Variants in ANKS1B observed in about 807,000 individuals in gnomAD.
ANKS1B encodes the protein ankyrin repeat and sterile alpha motif domain-containing protein 1B.
A neutral mutation model predicts 148.3 loss-of-function variants in ANKS1B; 36 were observed. The observed-to-expected ratio is 0.24, with a 90% CI of 0.19 to 0.32. ANKS1B has a LOEUF of 0.32. ANKS1B is among the 10% of genes least tolerant of loss of function. ANKS1B has a pLI of 1.00. For missense variants in ANKS1B, 1,157 were observed against 1,542.6 expected, an observed-to-expected ratio of 0.75 and a Z score of 4.19; for synonymous variants, 542 against 560.8, an observed-to-expected ratio of 0.97 and a Z score of 0.47.
intron 14 of ANKS1B, among the ~76,000 whole-genome samples, chr12:99,220,929 A>G (rs2085025680): frequency 6.6e-6 from 1 of 152,250 alleles, no homozygotes; most frequent in African/African-American, 2.4e-5. Context: ...AGAAGAAATT[A>G]TAATAAGATT....
intron 10 of ANKS1B, among the ~76,000 whole-genome samples, chr12:99,460,401 A>C (rs1471846007): frequency 6.6e-6 from 1 of 152,184 alleles, no homozygotes; most frequent in Non-Finnish European, 1.5e-5. Flanking sequence ...CAACAAAAAC[A>C]GAGATAAATA....
chr12:99,438,159 G>A (rs1345878980), intron 11 of ANKS1B, among the ~76,000 whole-genome samples: 1 of 151,566 alleles, frequency 6.6e-6, no homozygotes, highest in African/African-American at 2.4e-5. Context: ...TCTTTCTAAA[G>A]TACATGTGAG....
chr12:99,699,581 A>G (rs1237168774), intron 8 of ANKS1B, among the ~76,000 whole-genome samples: 1 of 152,178 alleles, frequency 6.6e-6, no homozygotes, highest in East Asian at 1.9e-4. Flanking sequence ...GAAAGAACAG[A>G]GTCTTCTTGT....
chr12:99,142,080 G>C (rs543695889), intron 15 of ANKS1B, among the ~76,000 whole-genome samples: 2 of 152,090 alleles, frequency 1.3e-5, no homozygotes, highest in African/African-American at 4.8e-5. Flanking sequence ...TAAGGTGAAA[G>C]TGCAGAGTGA....
rs192663210 is a variant in ANKS1B, at chr12:98,880,017, A to T, written c.2779-47881T>A. On this transcript the variant is annotated intron_variant, in intron 17 of 26. Coordinates refer to ENST00000683438, the MANE Select transcript of ANKS1B (RefSeq NM_001352186.2). ...TTGCACAGTAGGAAAAGTAATGATT[A>T]AAAAAAGTATAAAACACATATTAAT... Among the ~76,000 whole-genome samples, 10 of 152,342 alleles carry T rather than the reference A, an allele frequency of 6.6e-5. No individual in the cohort carries two copies. The East Asian group carries it at 1.3e-3, about 21-fold the overall frequency.
At chr12:99,405,096 A>G (rs1219952910) in intron 11 of ANKS1B, among the ~76,000 whole-genome samples, 1 of 145,966 alleles carries the variant, frequency 6.9e-6, no homozygotes, top group East Asian at 1.9e-4. Context: ...ACTTTCCCAG[A>G]CAAACAAAAG....
intron 8 of ANKS1B, among the ~76,000 whole-genome samples, chr12:99,708,845 A>G (rs1352745523): frequency 6.6e-6 from 1 of 152,118 alleles, no homozygotes; most frequent in African/African-American, 2.4e-5. Context: ...TCCAACCTGG[A>G]TATTTTTGGG....
intron 11 of ANKS1B, among the ~76,000 whole-genome samples, chr12:99,416,425 C>T (rs2094911840): frequency 6.6e-6 from 1 of 152,188 alleles, no homozygotes. Context: ...TAAGAAACTG[C>T]CAAACTGTTT....
At chr12:99,722,962 A>G (rs2058245031) in intron 8 of ANKS1B, among the ~76,000 whole-genome samples, 1 of 152,198 alleles carries the variant, frequency 6.6e-6, no homozygotes, top group African/African-American at 2.4e-5. Flanking sequence ...GGAGGTGATG[A>G]GTGAGTGTGC....
chr12:98,786,462 AAG>A (rs2098795668), intron 22 of ANKS1B, among the ~76,000 whole-genome samples: 1 of 152,208 alleles, frequency 6.6e-6, no homozygotes, highest in African/African-American at 2.4e-5. Context: ...CACCAAGAGA[AAG>A]AAATAACCAT....
chr12:99,774,693 C>A (rs1226048902), intron 7 of ANKS1B, among the ~76,000 whole-genome samples: 1 of 152,020 alleles, frequency 6.6e-6, no homozygotes, highest in Non-Finnish European at 1.5e-5. Flanking sequence ...CTGTTCATTG[C>A]AACATTCTTC....
rs1421344023 is a variant in ANKS1B at position 99,148,283 on chromosome 12, G to A, written c.2526+6006C>T. Reference sequence around the variant, plus strand: ...GGCCTATTCATGTGAGCATTAGTTAGTAATGGGAGTTGTATTATATACTGC... The same window carrying A: ...GGCCTATTCATGTGAGCATTAGTTAATAATGGGAGTTGTATTATATACTGC... On this transcript the variant is annotated intron_variant, in intron 15 of 26. Transcript: ENST00000683438. Among the ~76,000 whole-genome samples the A allele has an allele frequency of 2.6e-5, 4 of 152,154 alleles. No individual in the cohort carries two copies. The East Asian group carries it at 5.8e-4, about 22-fold the overall frequency.
intron 9 of ANKS1B, among the ~76,000 whole-genome samples, chr12:99,594,565 T>C (rs1213623442): frequency 2.6e-5 from 4 of 152,006 alleles, no homozygotes; most frequent in Non-Finnish European, 4.4e-5. Flanking sequence ...TCCTGCAATA[T>C]GTGACATGGA....
Position 99,742,091 on chromosome 12 carries a change from G to A in ANKS1B, c.1128+30831C>T, listed in dbSNP as rs115157025. ...ACATACAGCGGAACAATACACACTG[G>A]AGCCTATTGGAGGGTGGAAGGTGGT... On this transcript the variant is annotated intron_variant, in intron 8 of 26. Transcript: ENST00000683438. Among the ~76,000 whole-genome samples, 847 of 151,904 alleles carry A rather than the reference G, an allele frequency of 5.6e-3. 12 individuals are homozygous for A. Among genetic ancestry groups the A allele is most frequent in the African/African-American group, 0.02 (810 of 41,418 alleles).
chr12:99,069,765 GC>G (rs972943891), intron 16 of ANKS1B, among the ~76,000 whole-genome samples: 27 of 152,244 alleles, frequency 1.8e-4, no homozygotes, highest in African/African-American at 6.3e-4. Context: ...AAAATACAAA[GC>G]AATAGACTTG....
intron 17 of ANKS1B, among the ~76,000 whole-genome samples, chr12:98,919,145 G>C (rs1471954334): frequency 1.3e-5 from 2 of 152,026 alleles, no homozygotes; most frequent in Non-Finnish European, 1.5e-5. Context: ...ACTTGGCTCT[G>C]TTTCTTTTCC....
chr12:99,302,103 T>G (rs1300237244), intron 12 of ANKS1B, among the ~76,000 whole-genome samples: 1 of 152,104 alleles, frequency 6.6e-6, no homozygotes, highest in East Asian at 1.9e-4. Context: ...GGTCACAAAG[T>G]GTTCACAGAT....
intron 22 of ANKS1B, 126 bp downstream of exon 22, chr12:98,798,808 G>T: frequency 1.5e-6 from 1 of 674,022 alleles, no homozygotes; most frequent in Non-Finnish European, 2.4e-6. Flanking sequence ...ACCTTTTTAT[G>T]TAATACCAAT....
intron 9 of ANKS1B, among the ~76,000 whole-genome samples, 186 bp downstream of exon 9, chr12:99,654,881 A>C (rs1157464701): frequency 6.6e-6 from 1 of 152,234 alleles, no homozygotes; most frequent in Admixed American, 6.5e-5. Context: ...ATGTCTTCGC[A>C]TATGTACACA....
Sources: allele counts gnomAD v4.1 joint callset (sites outside exome capture counted in the v4.1 genomes callset), GRCh38; gene constraint gnomAD v4.1.1; transcripts MANE v1.5; gene names NCBI Gene and HGNC (gene_info 2026-07-23, HGNC 2026-07-21).